CDK8: variants seen among roughly 807,000 people sequenced by gnomAD.
CDK8 encodes cyclin-dependent kinase 8.
Under a neutral mutation model 71.5 loss-of-function variants are expected in CDK8, and 29 were observed. The ratio of observed to expected loss-of-function variants is 0.41; its 90% CI spans 0.30 to 0.55. The LOEUF (loss-of-function observed/expected upper bound fraction) is 0.55. Ranked by LOEUF, CDK8 falls within the 20% of genes least tolerant of loss-of-function variation. CDK8 has a pLI of 0.37. For synonymous variants in CDK8, 161 were observed against 192.1 expected (o/e 0.84, Z 1.34); for missense variants, 288 against 572.6 (o/e 0.50, Z 5.07).
At chr13:26,369,029 C>T (rs897470439) in intron 4 of CDK8, among the ~76,000 whole-genome samples, 1 of 151,750 alleles carries the variant, frequency 6.6e-6, no homozygotes, top group East Asian at 1.9e-4. Context: ...ATCTTCTGTT[C>T]GTATATTACC....
At chr13:26,270,891 C>T (rs1449737981) in intron 1 of CDK8, among the ~76,000 whole-genome samples, 3 of 152,128 alleles carry the variant, frequency 2.0e-5, no homozygotes. Context: ...TGAGTAGCCT[C>T]CAAACTGTTT....
At chr13:26,314,450 A>T (rs1368746487) in intron 1 of CDK8, among the ~76,000 whole-genome samples, 1 of 152,240 alleles carries the variant, frequency 6.6e-6, no homozygotes, top group Non-Finnish European at 1.5e-5. Context: ...AAATTAGGTT[A>T]CTGGGATGAA....
intron 4 of CDK8, among the ~76,000 whole-genome samples, chr13:26,356,344 G>A (rs1873897008): frequency 6.6e-6 from 1 of 152,114 alleles, no homozygotes; most frequent in Admixed American, 6.5e-5. Flanking sequence ...ATTATTTAAA[G>A]TTTATTAATC....
Position 26,381,916 on chromosome 13 carries a change from T to G in CDK8, c.457-898T>G, listed in dbSNP as rs145401224. ...ACAGGCTTCACTACAATCTTTGATT[T>G]TAAAGTGATTTATGTCAGTATCCGA... is the stretch of plus-strand genomic sequence containing the variant. On this transcript the variant is annotated intron_variant, in intron 4 of 12. Transcript: ENST00000381527. Among the ~76,000 whole-genome samples the G allele has an allele frequency of 5.7e-4, 87 of 152,322 alleles. 2 individuals are homozygous for G. The East Asian group carries it at 0.015, about 26-fold the overall frequency.
intron 1 of CDK8, among the ~76,000 whole-genome samples, chr13:26,279,703 G>T (rs988077498): frequency 6.6e-6 from 1 of 151,998 alleles, no homozygotes; most frequent in South Asian, 2.1e-4. Flanking sequence ...AGTAAATTTG[G>T]ATTTAATAAA....
At chr13:26,310,866 CATTGGCTTTGCATTGCATTTTATG>C (rs986911194) in intron 1 of CDK8, among the ~76,000 whole-genome samples, 1 of 152,124 alleles carries the variant, frequency 6.6e-6, no homozygotes, top group African/African-American at 2.4e-5. Context: ...CAAATCTCTC[CATTGGCTTTGCATTGCATTTTATG>C]ATTACTCAAA....
At chr13:26,278,469 T>A (rs896747333) in intron 1 of CDK8, among the ~76,000 whole-genome samples, 1 of 151,868 alleles carries the variant, frequency 6.6e-6, no homozygotes, top group African/African-American at 2.4e-5. Flanking sequence ...AGGGAAAGGG[T>A]GGTGTTGAGA....
At chr13:26,358,198 T>C (rs534402950) in intron 4 of CDK8, among the ~76,000 whole-genome samples, 32 of 151,678 alleles carry the variant, frequency 2.1e-4, no homozygotes, top group African/African-American at 7.5e-4. Context: ...ACTTGGGAGG[T>C]TGAGGCAGGA....
chr13:26,283,681 C>T (rs1872868969), intron 1 of CDK8, among the ~76,000 whole-genome samples: 1 of 152,072 alleles, frequency 6.6e-6, no homozygotes, highest in South Asian at 2.1e-4. Context: ...GGGCGGATCA[C>T]AAGGTCAGGA....
At chr13:26,398,436 A>T (rs576809075) in intron 9 of CDK8, among the ~76,000 whole-genome samples, 78 of 152,224 alleles carry the variant, frequency 5.1e-4, no homozygotes, top group African/African-American at 1.9e-3. Flanking sequence ...AACTCTAGAG[A>T]TATACCTTCC....
At chr13:26,262,736 G>A (rs749578289) in intron 1 of CDK8, among the ~76,000 whole-genome samples, 3 of 152,296 alleles carry the variant, frequency 2.0e-5, no homozygotes, top group Admixed American at 6.5e-5. Context: ...TAAGGAAAAC[G>A]TAATTAGTTT....
chr13:26,290,480 C>T (rs1383504475), intron 1 of CDK8, among the ~76,000 whole-genome samples: 1 of 152,120 alleles, frequency 6.6e-6, no homozygotes, highest in East Asian at 1.9e-4. Context: ...AGAAAACGGT[C>T]ATCACACCCA....
chr13:26,366,981 G>A (rs1400260706), intron 4 of CDK8, among the ~76,000 whole-genome samples: 1 of 152,100 alleles, frequency 6.6e-6, no homozygotes, highest in Non-Finnish European at 1.5e-5. Context: ...GTAATATGCG[G>A]GGCAGACAAC....
At position 26,404,432 on chromosome 13, in the gene CDK8, T is replaced by A. The variant is rs1326461631; in HGVS notation, c.*351T>A. 7.5e-6 allele frequency: 2 copies of A among 266,420 alleles called. No individual in the cohort carries two copies. The highest frequency in any genetic ancestry group is 9.7e-5 in the Admixed American group (2 of 20,570). 16.5% of individuals were successfully genotyped at this position (266,420 alleles called of 1,614,324 possible). On this transcript the variant is annotated 3_prime_UTR_variant, in exon 13 of 13. Transcript: ENST00000381527. The stretch of plus-strand genomic sequence containing the variant: ...GGCAAGCATTTGTCTTTGTATGTGG[T>A]GAATTTTTTCAGTGTAACAACATTA...
At chr13:26,319,664 A>T (rs1233262825) in intron 1 of CDK8, among the ~76,000 whole-genome samples, 2 of 150,392 alleles carry the variant, frequency 1.3e-5, no homozygotes, top group East Asian at 3.9e-4. Context: ...TAGTGCAACA[A>T]CTATCAAAAT....
At chr13:26,355,545 C>G (rs1873858332) in intron 4 of CDK8, among the ~76,000 whole-genome samples, 1 of 152,120 alleles carries the variant, frequency 6.6e-6, no homozygotes, top group Non-Finnish European at 1.5e-5. Context: ...ACGCAGGAAG[C>G]TGAGGTTGCA....
intron 12 of CDK8, among the ~76,000 whole-genome samples, chr13:26,403,562 G>A (rs1876367258): frequency 6.6e-6 from 1 of 152,144 alleles, no homozygotes; most frequent in African/African-American, 2.4e-5. Context: ...AGTCATGTGT[G>A]TGGGGGTGAG....
chr13:26,349,350 A>G (rs1873593295), intron 3 of CDK8, among the ~76,000 whole-genome samples, 168 bp downstream of exon 3: 1 of 152,216 alleles, frequency 6.6e-6, no homozygotes, highest in Non-Finnish European at 1.5e-5. Flanking sequence ...ACTTTGTATT[A>G]TTACTTTTCA....
At chr13:26,374,043 AAC>A (rs1874825383) in intron 4 of CDK8, among the ~76,000 whole-genome samples, 5 of 111,844 alleles carry the variant, frequency 4.5e-5, no homozygotes, top group Non-Finnish European at 7.1e-5. Flanking sequence ...AAAAACAAAA[AAC>A]AAAAAATTAG....
Sources: gnomAD v4.1 joint callset for allele counts (sites outside exome capture counted in the v4.1 genomes callset) on GRCh38, gnomAD v4.1.1 for gene constraint, MANE v1.5 for transcripts, NCBI Gene and HGNC (gene_info 2026-07-23, HGNC 2026-07-21) for gene names.